PARD3B: variants seen among roughly 807,000 people sequenced by gnomAD.
PARD3B encodes partitioning defective 3 homolog B.
In PARD3B, 103 loss-of-function variants were observed where a neutral mutation model predicts 130.2. The observed-to-expected ratio is 0.79, with a 90% confidence interval of 0.67 to 0.93. PARD3B has a LOEUF of 0.93. Among genes scored for constraint, PARD3B ranks in the 40% least tolerant of loss-of-function variants. The pLI is 0.00. For missense variants in PARD3B, 1,609 were observed against 1,499.2 expected (o/e 1.07, Z -1.21); for synonymous variants, 583 against 553.2 (o/e 1.05, Z -0.76).
At position 205,269,013 on chromosome 2, in the gene PARD3B, A is replaced by G. The variant is rs1164276029; in HGVS notation, c.2185+23191A>G. Among the ~76,000 whole-genome samples, 3 of 152,200 alleles carry G rather than the reference A, an allele frequency of 2.0e-5. No individual in the cohort carries two copies. The highest frequency in any genetic ancestry group is 2.9e-5 in the Non-Finnish European group (2 of 68,018). On this transcript the variant is annotated intron_variant, in intron 16 of 22. Transcript: ENST00000406610. This position sits in a 1 kb window ranked among gnomAD's most constrained non-coding sequence, Gnocchi z 4.7. ...CATTTTTCAAAAACCTGTGAAGCTC[A>G]AAGAATAGGTATTATTCCATTTTGT...
intron 19 of PARD3B, among the ~76,000 whole-genome samples, chr2:205,415,101 T>C (rs1324139381): frequency 1.3e-5 from 2 of 152,144 alleles, no homozygotes; most frequent in African/African-American, 4.8e-5. Flanking sequence ...AATGAATGCA[T>C]ATTGAAAAAA....
intron 19 of PARD3B, among the ~76,000 whole-genome samples, chr2:205,419,353 C>T (rs912174911): frequency 6.6e-5 from 10 of 152,114 alleles, no homozygotes; most frequent in Non-Finnish European, 1.5e-5. Context: ...GAGGCCCCCA[C>T]TAGCCATGTA....
chr2:205,184,928 T>C (rs1559520398), intron 13 of PARD3B, among the ~76,000 whole-genome samples: 1 of 152,138 alleles, frequency 6.6e-6, no homozygotes, highest in Non-Finnish European at 1.5e-5. Flanking sequence ...AACATGGCAG[T>C]CTTGCTCCAA....
At chr2:205,130,996 C>A (rs868122638) in intron 10 of PARD3B, among the ~76,000 whole-genome samples, 4 of 152,132 alleles carry the variant, frequency 2.6e-5, no homozygotes, top group African/African-American at 9.7e-5. Context: ...GTGGTTCCAA[C>A]TCTTTCTTAT....
intron 22 of PARD3B, among the ~76,000 whole-genome samples, chr2:205,581,103 G>C (rs1424858312): frequency 6.6e-6 from 1 of 151,792 alleles, no homozygotes; most frequent in African/African-American, 2.4e-5. Context: ...AAAAGAAAGG[G>C]AATTGGTATA....
intron 1 of PARD3B, among the ~76,000 whole-genome samples, chr2:204,679,168 A>G (rs977070706): frequency 6.6e-6 from 1 of 152,170 alleles, no homozygotes; most frequent in Non-Finnish European, 1.5e-5. Flanking sequence ...CATTGCATGG[A>G]CATACTGTAG....
intron 2 of PARD3B, among the ~76,000 whole-genome samples, chr2:204,802,271 C>G (rs568564021): frequency 3.9e-5 from 6 of 152,014 alleles, no homozygotes; most frequent in African/African-American, 1.5e-4. Flanking sequence ...TACAGAAATG[C>G]GAATCAAAAC....
At chr2:205,507,582 A>C (rs1026294859) in intron 21 of PARD3B, among the ~76,000 whole-genome samples, 1 of 152,100 alleles carries the variant, frequency 6.6e-6, no homozygotes, top group Non-Finnish European at 1.5e-5. Context: ...AGTCAAGTCC[A>C]CCCAGACTCC....
At chr2:205,544,351 G>A (rs893592659) in intron 21 of PARD3B, among the ~76,000 whole-genome samples, 9 of 151,942 alleles carry the variant, frequency 5.9e-5, no homozygotes, top group Non-Finnish European at 1.0e-4. Context: ...GACAGATGGG[G>A]GATAGGAAAT....
intron 5 of PARD3B, among the ~76,000 whole-genome samples, chr2:205,112,790 G>T (rs1276091197): frequency 2.0e-5 from 3 of 151,936 alleles, no homozygotes; most frequent in African/African-American, 7.2e-5. Context: ...CCTTAATCAG[G>T]GGTAGGTTAG....
intron 2 of PARD3B, among the ~76,000 whole-genome samples, chr2:204,953,400 T>C (rs564487952): frequency 6.7e-6 from 1 of 149,508 alleles, no homozygotes; most frequent in East Asian, 2.0e-4. Flanking sequence ...TTGACATATA[T>C]ATGTTAACAT....
intron 21 of PARD3B, among the ~76,000 whole-genome samples, chr2:205,516,703 A>G (rs998074464): frequency 6.6e-6 from 1 of 152,134 alleles, no homozygotes; most frequent in Non-Finnish European, 1.5e-5. Flanking sequence ...ATAAAATCAT[A>G]TCGTCTGCAA....
intron 2 of PARD3B, among the ~76,000 whole-genome samples, chr2:204,923,870 G>T (rs1034008618): frequency 6.6e-6 from 1 of 151,986 alleles, no homozygotes; most frequent in Admixed American, 6.6e-5. Flanking sequence ...GTCAATTTCA[G>T]TTGCAGTATG....
chr2:205,241,754 C>T lies in PARD3B; in HGVS notation c.2141-4024C>T, dbSNP rs1388372494. Among the ~76,000 whole-genome samples, 2 of 152,086 alleles carry T rather than the reference C, an allele frequency of 1.3e-5. No individual in the cohort carries two copies. Among genetic ancestry groups the T allele is most frequent in the Admixed American group, 6.5e-5 (1 of 15,270 alleles). On this transcript the variant is annotated intron_variant, in intron 15 of 22. Coordinates refer to ENST00000406610, the MANE Select transcript of PARD3B (RefSeq NM_001302769.2). This position sits in a 1 kb window ranked among gnomAD's most constrained non-coding sequence, Gnocchi z 4.2. ...ACCAGGCCCATTTATTTTTCAATCT[C>T]TTGTAAATAAGTCCTTTGTTTAAAA... is the stretch of plus-strand genomic sequence containing the variant.
intron 2 of PARD3B, among the ~76,000 whole-genome samples, chr2:204,919,017 T>C (rs1266746141): frequency 1.3e-5 from 2 of 152,158 alleles, no homozygotes; most frequent in Non-Finnish European, 2.9e-5. Context: ...TTTAAATATA[T>C]AGAAAAGTTG....
intron 20 of PARD3B, among the ~76,000 whole-genome samples, chr2:205,490,160 C>T (rs965332245): frequency 6.6e-6 from 1 of 151,920 alleles, no homozygotes. Context: ...ATGTGCACAA[C>T]GTGCAGGTTA....
intron 18 of PARD3B, among the ~76,000 whole-genome samples, chr2:205,384,713 A>C (rs145258219): frequency 1.6e-3 from 245 of 152,252 alleles, no homozygotes; most frequent in African/African-American, 5.6e-3. Flanking sequence ...AGGTATACAT[A>C]GTCTTTTGGG....
At chr2:205,381,062 A>ATACATAT (rs1303902650) in intron 18 of PARD3B, among the ~76,000 whole-genome samples, 6 of 66,218 alleles carry the variant, frequency 9.1e-5, no homozygotes, top group African/African-American at 6.8e-4. Context: ...TATATAAAGA[A>ATACATAT]TATATATTAT....
intron 2 of PARD3B, among the ~76,000 whole-genome samples, chr2:204,847,968 A>T (rs74655921): frequency 0.021 from 3,214 of 152,288 alleles, 83 homozygotes; most frequent in East Asian, 0.15. Context: ...AAAAGTTACA[A>T]TCATTCATCT....
Sources: gnomAD v4.1 joint callset for allele counts (sites outside exome capture counted in the v4.1 genomes callset) on GRCh38, gnomAD v4.1.1 for gene constraint, Gnocchi (gnomAD v3.1) non-coding constraint, MANE v1.5 for transcripts, NCBI Gene and HGNC (gene_info 2026-07-23, HGNC 2026-07-21) for gene names.